Variants in FOXK1 observed in about 807,000 individuals in gnomAD.
FOXK1 encodes forkhead box K1.
Under a neutral mutation model 51.9 loss-of-function variants are expected in FOXK1, and 19 were observed. The observed-to-expected ratio is 0.37, with a 90% CI of 0.26 to 0.54. The LOEUF (loss-of-function observed/expected upper bound fraction) is 0.54, where lower values mean the gene tolerates loss of function less well. Among genes scored for constraint, FOXK1 ranks in the 20% least tolerant of loss-of-function variants. The probability of loss-of-function intolerance (pLI) is 0.87; values close to 1 mark genes in which losing one functional copy is unlikely to be tolerated. For missense variants in FOXK1, 870 were observed against 1,032.7 expected, an observed-to-expected ratio of 0.84 and a Z score of 2.16; for synonymous variants, 537 against 482.6, an observed-to-expected ratio of 1.11 and a Z score of -1.48.
chr7:4,721,887 G>A (rs1414844150), intron 1 of FOXK1, among the ~76,000 whole-genome samples: 8 of 151,812 alleles, frequency 5.3e-5, no homozygotes, highest in Admixed American at 1.3e-4. Flanking sequence ...CACCACGCCC[G>A]GCCTGTTTTC....
chr7:4,691,646 T>C (rs527382055), intron 1 of FOXK1, among the ~76,000 whole-genome samples: 2 of 152,288 alleles, frequency 1.3e-5, no homozygotes, highest in African/African-American at 2.4e-5. Context: ...CAGGCCATTA[T>C]ACATGATTTG....
chr7:4,765,593 C>T lies in FOXK1; in HGVS notation c.*3129C>T, dbSNP rs1310289277. 1 of 152,480 alleles carries T rather than the reference C, an allele frequency of 6.6e-6. No homozygotes were observed. The highest frequency in any genetic ancestry group is 1.5e-5 in the Non-Finnish European group (1 of 68,248). The allele number at this position is 152,480 out of a possible 1,614,324, so 9.4% of individuals were successfully genotyped here. Reference sequence around the variant, plus strand: ...GGGAGGCAGAGGCTGAGGGCCTGTTCTCTGGTCACCAGGGACTGGGGGCAC... The same window carrying T: ...GGGAGGCAGAGGCTGAGGGCCTGTTTTCTGGTCACCAGGGACTGGGGGCAC... On this transcript the variant is annotated 3_prime_UTR_variant, in exon 9 of 9. Transcript: ENST00000328914.
At chr7:4,746,880 T>A (rs1006208895) in intron 2 of FOXK1, among the ~76,000 whole-genome samples, 9 of 152,194 alleles carry the variant, frequency 5.9e-5, no homozygotes, top group Non-Finnish European at 1.0e-4. Context: ...CCTGTCCCTG[T>A]CCCTGTAGGC....
chr7:4,725,407 C>T (rs1199406626), intron 1 of FOXK1, among the ~76,000 whole-genome samples: 1 of 152,216 alleles, frequency 6.6e-6, no homozygotes, highest in Non-Finnish European at 1.5e-5. Flanking sequence ...ACTGCTGTTG[C>T]CCAAAGTGAA....
intron 1 of FOXK1, among the ~76,000 whole-genome samples, chr7:4,739,336 C>G (rs375333383): frequency 6.6e-6 from 1 of 152,236 alleles, no homozygotes; most frequent in East Asian, 1.9e-4. Flanking sequence ...AGAGCCTTTT[C>G]CAAACAGCTG....
intron 5 of FOXK1, among the ~76,000 whole-genome samples, chr7:4,757,556 G>A (rs550815844): frequency 6.8e-6 from 1 of 147,372 alleles, no homozygotes; most frequent in Non-Finnish European, 1.5e-5. Context: ...CTTGAATCTC[G>A]GAGGCAGAAG....
intron 1 of FOXK1, among the ~76,000 whole-genome samples, chr7:4,684,690 C>T (rs1779796976): frequency 6.6e-6 from 1 of 152,204 alleles, no homozygotes; most frequent in Non-Finnish European, 1.5e-5. Context: ...GCCTGCTTTA[C>T]AGACGCACCT....
At chr7:4,696,920 T>C (rs1341545237) in intron 1 of FOXK1, among the ~76,000 whole-genome samples, 1 of 151,964 alleles carries the variant, frequency 6.6e-6, no homozygotes, top group Non-Finnish European at 1.5e-5. Flanking sequence ...ATACAAAAAT[T>C]AGCCAGGCAT....
intron 7 of FOXK1, among the ~76,000 whole-genome samples, chr7:4,760,379 G>T (rs10268723): frequency 2.6e-5 from 4 of 152,012 alleles, no homozygotes; most frequent in African/African-American, 9.7e-5. Context: ...CGCCCTCCTA[G>T]GCCACTCTCC....
Position 4,762,176 on chromosome 7 carries a change from C to T in FOXK1, c.1922-8C>T, listed in dbSNP as rs777036898. The T allele has an allele frequency of 6.5e-7, 1 of 1,543,472 alleles. No homozygotes were observed. The highest frequency in any genetic ancestry group is 1.2e-5 in the South Asian group (1 of 83,640). On this transcript the variant is annotated splice_region_variant and splice_polypyrimidine_tract_variant and intron_variant, in intron 8 of 8. Coordinates refer to ENST00000328914, the MANE Select transcript of FOXK1 (RefSeq NM_001037165.2). This position sits in a 1 kb window ranked among gnomAD's most constrained non-coding sequence, Gnocchi z 5.7. ...CCCCAGAGTAACCCTCTTCTTCCTC[C>T]ACTCCAGCCCTCACCAGCCCTTTGC...
chr7:4,744,259 T>C (rs921683400), intron 2 of FOXK1, among the ~76,000 whole-genome samples: 4 of 152,348 alleles, frequency 2.6e-5, no homozygotes, highest in African/African-American at 9.6e-5. Flanking sequence ...AAATACTGTT[T>C]ATTTTTATTT....
intron 1 of FOXK1, among the ~76,000 whole-genome samples, chr7:4,710,420 C>CA (rs1241513892): frequency 6.6e-6 from 1 of 152,040 alleles, no homozygotes; most frequent in East Asian, 1.9e-4. Flanking sequence ...ACTAAAAATA[C>CA]AAAAATTAGC....
Position 4,730,054 on chromosome 7 carries a change from G to A in FOXK1, c.561-10784G>A, listed in dbSNP as rs763691187. On this transcript the variant is annotated intron_variant, in intron 1 of 8. Transcript: ENST00000328914. This position sits in a 1 kb window ranked among gnomAD's most constrained non-coding sequence, Gnocchi z 4.7. ...CGGCTTCGGTCAGACCGTTGTCTGC[G>A]TTTTTCACCGCGTGTCACCGACTCA... 3.9e-5 allele frequency among the ~76,000 whole-genome samples: 6 copies of A among 152,292 alleles called. No homozygotes were observed. The highest frequency in any genetic ancestry group is 1.9e-4 in the East Asian group (1 of 5,174).
chr7:4,753,766 C>T lies in FOXK1; in HGVS notation c.747-693C>T, dbSNP rs568868426. ...ACACCCCTCAGCCGGACGGACGCAG[C>T]CTCCTGCCTGTGGTCCCGGCCTCAA... On this transcript the variant is annotated intron_variant, in intron 2 of 8. Transcript: ENST00000328914. This position sits in a 1 kb window ranked among gnomAD's most constrained non-coding sequence, Gnocchi z 4.9. Among the ~76,000 whole-genome samples, 2 of 152,326 alleles carry T rather than the reference C, an allele frequency of 1.3e-5. 1 individual carries two copies. Among genetic ancestry groups the T allele is most frequent in the South Asian group, 4.1e-4 (2 of 4,830 alleles).
At chr7:4,713,529 G>T (rs1378307330) in intron 1 of FOXK1, among the ~76,000 whole-genome samples, 1 of 149,108 alleles carries the variant, frequency 6.7e-6, no homozygotes, top group African/African-American at 2.5e-5. Context: ...GTCTTGCTCT[G>T]TCGCCAGGCT....
chr7:4,683,010 G>A lies in FOXK1; in HGVS notation c.560+142G>A. On this transcript the variant is annotated intron_variant, in intron 1 of 8. Transcript: ENST00000328914. The surrounding 1 kb of genome is among the most constrained non-coding windows in gnomAD (Gnocchi z 4.5). Reference sequence around the variant, plus strand: ...GGCCCACCCCCGGTAACCCCCGACCGGCCTGGACTCCGGGGTCAACCCCGA... The same window carrying A: ...GGCCCACCCCCGGTAACCCCCGACCAGCCTGGACTCCGGGGTCAACCCCGA... 2 of 744,014 alleles carry A rather than the reference G, an allele frequency of 2.7e-6. No individual in the cohort carries two copies. The highest frequency in any genetic ancestry group is 3.6e-6 in the Non-Finnish European group (2 of 548,430). The allele number at this position is 744,014 out of a possible 1,614,324, so 46.1% of individuals were successfully genotyped here. A position where few individuals can be genotyped will look rare whatever the true frequency, so the allele number is the denominator to read the frequency against.
At chr7:4,688,676 G>A (rs924651678) in intron 1 of FOXK1, among the ~76,000 whole-genome samples, 6 of 151,958 alleles carry the variant, frequency 3.9e-5, no homozygotes, top group East Asian at 1.9e-4. Flanking sequence ...CCCCACGCCC[G>A]GCACCCTCTG....
chr7:4,718,056 T>G (rs1203219833), intron 1 of FOXK1, among the ~76,000 whole-genome samples: 1 of 152,230 alleles, frequency 6.6e-6, no homozygotes, highest in Non-Finnish European at 1.5e-5. Flanking sequence ...CTGGGGGCCC[T>G]GTTGCCCGTG....
At chr7:4,686,202 G>C (rs1779815638) in intron 1 of FOXK1, among the ~76,000 whole-genome samples, 2 of 152,114 alleles carry the variant, frequency 1.3e-5, no homozygotes, top group Non-Finnish European at 2.9e-5. Context: ...TGCTGTGTTG[G>C]AATGTGATTG....
Sources: allele counts gnomAD v4.1 joint callset (sites outside exome capture counted in the v4.1 genomes callset), GRCh38; gene constraint gnomAD v4.1.1; non-coding constraint Gnocchi (gnomAD v3.1); transcripts MANE v1.5; gene names NCBI Gene and HGNC (gene_info 2026-07-23, HGNC 2026-07-21).